The following KLHL1 variants were observed in gnomAD, a reference collection of about 807,000 sequenced individuals.
KLHL1 encodes the protein kelch-like protein 1.
A neutral mutation model predicts 77.7 loss-of-function variants in KLHL1; 47 were observed. That is an observed-to-expected ratio of 0.60 (90% CI 0.48 to 0.77). KLHL1 has a LOEUF of 0.77. Among genes scored for constraint, KLHL1 ranks in the 30% least tolerant of loss-of-function variants. KLHL1 has a pLI of 0.00. For synonymous variants in KLHL1, 360 were observed against 325.2 expected (o/e 1.11, Z -1.15); for missense variants, 925 against 910.8 (o/e 1.02, Z -0.20).
intron 3 of KLHL1, among the ~76,000 whole-genome samples, chr13:69,945,055 G>A (rs1264310144): frequency 8.0e-6 from 1 of 124,810 alleles, no homozygotes; most frequent in East Asian, 2.6e-4. Flanking sequence ...GCGCCATCTT[G>A]GATCACTGCA....
chr13:69,739,851 G>T (rs1198244155), intron 8 of KLHL1, among the ~76,000 whole-genome samples: 2 of 152,152 alleles, frequency 1.3e-5, no homozygotes, highest in East Asian at 1.9e-4. Context: ...CTTCCCAGGG[G>T]ATAGTAGACA....
chr13:69,907,249 T>C (rs1347047415), intron 4 of KLHL1, among the ~76,000 whole-genome samples: 1 of 151,940 alleles, frequency 6.6e-6, no homozygotes, highest in Non-Finnish European at 1.5e-5. Context: ...ATATCACCAT[T>C]TTAGATGAAC....
intron 7 of KLHL1, among the ~76,000 whole-genome samples, chr13:69,780,716 G>GTATATATA (rs1290786295): frequency 2.1e-5 from 1 of 47,694 alleles, no homozygotes; most frequent in African/African-American, 9.5e-5. Context: ...ATATATATAT[G>GTATATATA]TATATATATA....
intron 8 of KLHL1, among the ~76,000 whole-genome samples, chr13:69,727,817 A>G (rs896454900): frequency 7.2e-5 from 11 of 152,012 alleles, no homozygotes; most frequent in Admixed American, 3.9e-4. Context: ...CAGAGTGAAT[A>G]TTTATAAAAT....
chr13:69,982,790 G>T (rs116214180), intron 1 of KLHL1, among the ~76,000 whole-genome samples: 11,100 of 152,006 alleles, frequency 0.073, 453 homozygotes, highest in Middle Eastern at 0.092. Flanking sequence ...AAAATACAAA[G>T]AGGGTCATTA....
intron 1 of KLHL1, among the ~76,000 whole-genome samples, chr13:70,066,211 G>A (rs1283832084): frequency 6.6e-6 from 1 of 152,150 alleles, no homozygotes; most frequent in Non-Finnish European, 1.5e-5. Flanking sequence ...CTCAAGAGGT[G>A]GTAGAAAATT....
chr13:70,049,422 G>A (rs922926089), intron 1 of KLHL1, among the ~76,000 whole-genome samples: 31 of 152,076 alleles, frequency 2.0e-4, no homozygotes, highest in Admixed American at 1.8e-3. Context: ...CTTCTCACAT[G>A]TGCTACCTGA....
intron 1 of KLHL1, among the ~76,000 whole-genome samples, chr13:70,098,279 A>C (rs1369199645): frequency 2.0e-5 from 3 of 151,844 alleles, no homozygotes; most frequent in Non-Finnish European, 4.4e-5. Context: ...AACTTAGAGT[A>C]ATTTAGAAAA....
chr13:69,808,336 C>T (rs1877712622), intron 6 of KLHL1, among the ~76,000 whole-genome samples: 1 of 152,092 alleles, frequency 6.6e-6, no homozygotes, highest in African/African-American at 2.4e-5. Context: ...GTCTCTTACT[C>T]TTAAGGACCA....
chr13:69,768,318 T>A (rs1370210340), intron 7 of KLHL1, among the ~76,000 whole-genome samples: 1 of 152,174 alleles, frequency 6.6e-6, no homozygotes, highest in East Asian at 1.9e-4. Flanking sequence ...TATATTTTTT[T>A]AAATATCTGA....
chr13:69,882,144 C>A, intron 5 of KLHL1, 139 bp downstream of exon 5: 1 of 643,684 alleles, frequency 1.6e-6, no homozygotes, highest in Non-Finnish European at 2.7e-6. Context: ...TTTCCACCAT[C>A]AAATTTAACT....
At chr13:70,062,277 A>T (rs561306138) in intron 1 of KLHL1, among the ~76,000 whole-genome samples, 1 of 152,150 alleles carries the variant, frequency 6.6e-6, no homozygotes, top group Non-Finnish European at 1.5e-5. Flanking sequence ...TATATTTGAG[A>T]TTTATTTATC....
intron 1 of KLHL1, among the ~76,000 whole-genome samples, chr13:69,978,247 GA>G (rs1884604078): frequency 6.6e-6 from 1 of 151,884 alleles, no homozygotes; most frequent in South Asian, 2.1e-4. Context: ...CTCTCAGGTA[GA>G]AAGGATAATT....
intron 1 of KLHL1, among the ~76,000 whole-genome samples, chr13:70,018,045 C>G: frequency 9.4e-6 from 1 of 106,862 alleles, no homozygotes; most frequent in East Asian, 2.1e-4. Context: ...TTAAATAGAA[C>G]TAGCGCAAAA....
At chr13:70,092,118 A>G (rs1887684172) in intron 1 of KLHL1, among the ~76,000 whole-genome samples, 1 of 152,188 alleles carries the variant, frequency 6.6e-6, no homozygotes. Context: ...CAGATGAGAA[A>G]TAAACCAGCT....
chr13:69,882,637 G>T, intron 4 of KLHL1, 142 bp from the exon 5 acceptor site: 1 of 624,694 alleles, frequency 1.6e-6, no homozygotes, highest in Non-Finnish European at 2.8e-6. Context: ...AGAAACTAGA[G>T]GCTGTTAAGA....
At chr13:70,015,653 A>T (rs1205173980) in intron 1 of KLHL1, among the ~76,000 whole-genome samples, 1 of 150,594 alleles carries the variant, frequency 6.6e-6, no homozygotes, top group Non-Finnish European at 1.5e-5. Context: ...TTTATGCTGG[A>T]TGATTTTGCC....
intron 3 of KLHL1, among the ~76,000 whole-genome samples, chr13:69,949,301 C>T (rs1237837796): frequency 6.6e-6 from 1 of 151,546 alleles, no homozygotes; most frequent in African/African-American, 2.4e-5. Context: ...CAACTCTAGG[C>T]TGCGGAAGTT....
intron 1 of KLHL1, among the ~76,000 whole-genome samples, chr13:70,038,581 ATTTTTTT>A (rs55885952): frequency 8.3e-4 from 61 of 73,054 alleles, no homozygotes; most frequent in African/African-American, 3.1e-3. Context: ...ATTGTCATTA[ATTTTTTT>A]TTTTTTTTTT....
Sources: gnomAD v4.1 joint callset for allele counts (sites outside exome capture counted in the v4.1 genomes callset) on GRCh38, gnomAD v4.1.1 for gene constraint, MANE v1.5 for transcripts, NCBI Gene and HGNC (gene_info 2026-07-23, HGNC 2026-07-21) for gene names.